UGGT1: variants seen among roughly 807,000 people sequenced by gnomAD.
UGGT1 encodes the protein UDP-glucose glycoprotein glucosyltransferase 1.
A neutral mutation model predicts 203.9 loss-of-function variants in UGGT1; 107 were observed. The observed-to-expected ratio is 0.52, with a 90% CI of 0.45 to 0.62. UGGT1 has a LOEUF of 0.62. Among genes scored for constraint, UGGT1 ranks in the 20% least tolerant of loss-of-function variants. The pLI is 0.00. For synonymous variants in UGGT1, 628 were observed against 653.5 expected, an observed-to-expected ratio of 0.96 and a Z score of 0.59; for missense variants, 1,673 against 1,867.2, an observed-to-expected ratio of 0.90 and a Z score of 1.92.
At chr2:128,170,639 T>G (rs1217022579) in intron 27 of UGGT1, among the ~76,000 whole-genome samples, 1 of 152,262 alleles carries the variant, frequency 6.6e-6, no homozygotes, top group Non-Finnish European at 1.5e-5. Context: ...CATCCTCATT[T>G]AGAGTAAAAC....
intron 5 of UGGT1, among the ~76,000 whole-genome samples, chr2:128,112,359 G>T (rs1332867815): frequency 1.4e-5 from 2 of 145,904 alleles, no homozygotes; most frequent in South Asian, 2.2e-4. Flanking sequence ...AGGGAGAGTT[G>T]CAGTGAGCTG....
At position 128,173,548 on chromosome 2, in the gene UGGT1, C is replaced by A. The variant is rs181500111; in HGVS notation, c.3295-233C>A. On this transcript the variant is annotated intron_variant, in intron 29 of 40. Coordinates refer to ENST00000259253, the MANE Select transcript of UGGT1 (RefSeq NM_020120.4). Reference sequence around the variant, plus strand: ...GCCACGATGCAGAACATTTCCATTACCCCAAAAAGTTCTTTTATACCCCTT... The same window carrying A: ...GCCACGATGCAGAACATTTCCATTAACCCAAAAAGTTCTTTTATACCCCTT... Among the ~76,000 whole-genome samples the A allele has an allele frequency of 3.5e-3, 538 of 152,252 alleles. 3 individuals carry two copies. Among genetic ancestry groups the A allele is most frequent in the African/African-American group, 0.012 (515 of 41,550 alleles).
intron 28 of UGGT1, 53 bp downstream of exon 28, chr2:128,171,337 T>G (rs1691092223): frequency 6.7e-7 from 1 of 1,492,992 alleles, no homozygotes; most frequent in East Asian, 2.3e-5. Context: ...GAATCCAAGT[T>G]CTGATATTGC....
intron 1 of UGGT1, among the ~76,000 whole-genome samples, chr2:128,092,372 A>G (rs1041155668): frequency 1.3e-5 from 2 of 148,630 alleles, no homozygotes; most frequent in South Asian, 4.2e-4. Context: ...CTTGTTACCT[A>G]CCAGTCTGAT....
Position 128,189,826 on chromosome 2 carries a change from C to T in UGGT1, c.*84C>T. ...AGTTTTTTCTGATCTGTCTATACAA[C>T]TGCTGATAAGCCGGCTGGGCAGGAG... On this transcript the variant is annotated 3_prime_UTR_variant, in exon 41 of 41. Transcript: ENST00000259253. 1 of 1,505,678 alleles carries T rather than the reference C, an allele frequency of 6.6e-7. No homozygotes were observed. The highest frequency in any genetic ancestry group is 1.4e-5 in the African/African-American group (1 of 72,846). The allele number at this position is 1,505,678 out of a possible 1,614,324, so 93.3% of individuals were successfully genotyped here.
At chr2:128,103,378 T>G (rs1687469450) in intron 2 of UGGT1, among the ~76,000 whole-genome samples, 1 of 152,234 alleles carries the variant, frequency 6.6e-6, no homozygotes, top group Non-Finnish European at 1.5e-5. Context: ...GGATCTGATT[T>G]TGTTAGATCA....
intron 8 of UGGT1, among the ~76,000 whole-genome samples, chr2:128,118,961 C>T (rs911303407): frequency 2.0e-4 from 31 of 152,086 alleles, no homozygotes; most frequent in Non-Finnish European, 2.9e-4. Context: ...TGAGCCACCG[C>T]GCCTGGCCTC....
intron 17 of UGGT1, 45 bp downstream of exon 17, chr2:128,143,270 T>C (rs1285701413): frequency 1.9e-6 from 3 of 1,581,770 alleles, no homozygotes; most frequent in Admixed American, 1.8e-5. Flanking sequence ...AACATTGTAC[T>C]GTCCTTAACC....
chr2:128,180,534 G>A (rs1691639403), intron 35 of UGGT1, among the ~76,000 whole-genome samples: 1 of 152,200 alleles, frequency 6.6e-6, no homozygotes, highest in Non-Finnish European at 1.5e-5. Flanking sequence ...ATCTGGCCTC[G>A]AGGAAGGCTT....
Position 128,157,353 on chromosome 2 carries a change from A to T in UGGT1, c.2355+7A>T. 1 of 1,610,226 alleles carries T rather than the reference A, an allele frequency of 6.2e-7. No homozygotes were observed. The highest frequency in any genetic ancestry group is 8.5e-7 in the Non-Finnish European group (1 of 1,176,788). ...TGATGCCATCAAACATCAGGCAAGT[A>T]TCTATGACTTCATTTTATATTTTTG... On this transcript the variant is annotated splice_region_variant and intron_variant, in intron 22 of 40. Transcript: ENST00000259253.
chr2:128,129,071 T>A lies in UGGT1; in HGVS notation c.1269T>A (p.Gly423=). 1.9e-6 allele frequency: 3 copies of A among 1,613,916 alleles called. No individual in the cohort carries two copies. The highest frequency in any genetic ancestry group is 2.5e-6 in the Non-Finnish European group (3 of 1,179,976). ...GGAATGAAGCTCGGGTAATGGAGGG[T>A]CTGCATAGATTGGGAATAGAAGGCC... ...VLRNEARVME[G]LHRLGIEGLS... The change falls in exon 13 of 41, where the codon GGT becomes GGA. Residue 423 remains glycine (G), a synonymous_variant. Coordinates refer to ENST00000259253, the MANE Select transcript of UGGT1 (RefSeq NM_020120.4).
rs577858962 is a variant in UGGT1, at chr2:128,185,201, T to C, written c.4359+1412T>C. ...CACCCAACAGTATTTGTTTCTCTCT[T>C]TTTTTTTTTTTTTTGGAGATGGAGC... On this transcript the variant is annotated intron_variant, in intron 38 of 40. Transcript: ENST00000259253. Among the ~76,000 whole-genome samples, 685 of 146,314 alleles carry C rather than the reference T, an allele frequency of 4.7e-3. 4 individuals are homozygous for C. Among genetic ancestry groups the C allele is most frequent in the African/African-American group, 0.013 (513 of 40,420 alleles).
At chr2:128,103,190 G>T in intron 2 of UGGT1, 7 of 459,138 alleles carry the variant, frequency 1.5e-5, no homozygotes, top group South Asian at 1.1e-4. Flanking sequence ...GACAGTGAAA[G>T]ATCACCACTG....
intron 33 of UGGT1, 139 bp from the exon 34 acceptor site, chr2:128,178,329 G>T: frequency 1.4e-6 from 1 of 718,258 alleles, no homozygotes; most frequent in Non-Finnish European, 2.3e-6. Context: ...CAGGGTGTGA[G>T]GGAAGCTTCA....
intron 11 of UGGT1, among the ~76,000 whole-genome samples, chr2:128,125,427 G>T (rs529149095): frequency 2.0e-5 from 3 of 152,210 alleles, no homozygotes; most frequent in East Asian, 3.9e-4. Flanking sequence ...TGAGCCTTTG[G>T]TGAGTTCCAC....
intron 19 of UGGT1, among the ~76,000 whole-genome samples, chr2:128,153,818 C>T (rs1359505217): frequency 6.6e-6 from 1 of 152,126 alleles, no homozygotes; most frequent in Non-Finnish European, 1.5e-5. Context: ...CTTGTGCCTT[C>T]CTCGAGATTC....
chr2:128,153,221 T>C (rs971323232), intron 19 of UGGT1, among the ~76,000 whole-genome samples: 1 of 152,214 alleles, frequency 6.6e-6, no homozygotes, highest in Non-Finnish European at 1.5e-5. Context: ...TTCGCTTCTC[T>C]AGTCATAAAG....
At chr2:128,148,518 A>G (rs752677039) in intron 18 of UGGT1, among the ~76,000 whole-genome samples, 1 of 152,168 alleles carries the variant, frequency 6.6e-6, no homozygotes, top group African/African-American at 2.4e-5. Flanking sequence ...GTTTTCCCCA[A>G]GGGTCTCTGT....
intron 23 of UGGT1, among the ~76,000 whole-genome samples, chr2:128,160,253 A>G (rs1690458068): frequency 6.6e-6 from 1 of 152,228 alleles, no homozygotes; most frequent in South Asian, 2.1e-4. Context: ...CGAACAAATC[A>G]CAGGAAAAGA....
Sources: allele counts gnomAD v4.1 joint callset (sites outside exome capture counted in the v4.1 genomes callset), GRCh38; gene constraint gnomAD v4.1.1; transcripts MANE v1.5; gene names NCBI Gene and HGNC (gene_info 2026-07-23, HGNC 2026-07-21).